Variants in PDS5B observed in about 807,000 individuals in gnomAD.
PDS5B encodes the protein PDS5 cohesin associated factor B.
PDS5B carries 51 observed loss-of-function variants against 184.1 expected under a neutral mutation model. That is an observed-to-expected ratio of 0.28 (90% CI 0.22 to 0.35). PDS5B has a LOEUF of 0.35. PDS5B is among the 10% of genes least tolerant of loss of function. The pLI is 1.00. For synonymous variants in PDS5B, 566 were observed against 569.2 expected (o/e 0.99, Z 0.08); for missense variants, 1,180 against 1,723.3 (o/e 0.68, Z 5.58).
chr13:32,633,855 G>A (rs1234136100), intron 1 of PDS5B, among the ~76,000 whole-genome samples: 1 of 152,116 alleles, frequency 6.6e-6, no homozygotes, highest in Non-Finnish European at 1.5e-5. Flanking sequence ...CATTTGTCCT[G>A]TATACAGTAT....
intron 16 of PDS5B, among the ~76,000 whole-genome samples, chr13:32,700,487 G>A (rs1951834802): frequency 6.6e-6 from 1 of 152,016 alleles, no homozygotes. Context: ...ATTTATATTT[G>A]TTAGTCACTA....
chr13:32,716,177 G>C (rs1167950710), intron 19 of PDS5B, among the ~76,000 whole-genome samples: 4 of 15,710 alleles, frequency 2.5e-4, no homozygotes, highest in East Asian at 1.6e-3. Flanking sequence ...ATAGTGAGGA[G>C]CGTCTCTGCC....
chr13:32,669,044 G>A (rs1371498790), intron 7 of PDS5B, among the ~76,000 whole-genome samples: 1 of 152,132 alleles, frequency 6.6e-6, no homozygotes, highest in African/African-American at 2.4e-5. Context: ...TCCAATACTG[G>A]TTTCTGCAGT....
At chr13:32,698,759 CTT>C (rs879868019) in intron 15 of PDS5B, among the ~76,000 whole-genome samples, 20 of 143,616 alleles carry the variant, frequency 1.4e-4, no homozygotes, top group Admixed American at 2.1e-4. Context: ...AGAGTTCTCT[CTT>C]TTTTTTTTTT....
rs116826012 is a variant in PDS5B at position 32,748,137 on chromosome 13, A to G, written c.2736+2037A>G. ...CTTCTCACAACTTAGAAACATATCA[A>G]ATTACCCTATTTTAAGCAAAGCTTT... is the stretch of plus-strand genomic sequence containing the variant. On this transcript the variant is annotated intron_variant, in intron 24 of 34. Coordinates refer to ENST00000315596, the MANE Select transcript of PDS5B (RefSeq NM_015032.4). Among the ~76,000 whole-genome samples, 1,382 of 152,294 alleles carry G rather than the reference A, an allele frequency of 9.1e-3. 27 individuals are homozygous for G. The highest frequency in any genetic ancestry group is 0.032 in the African/African-American group (1,330 of 41,560).
At chr13:32,741,011 CTAA>C (rs1953523044) in intron 21 of PDS5B, 66 bp from the exon 22 acceptor site, 2 of 875,626 alleles carry the variant, frequency 2.3e-6, no homozygotes, top group Non-Finnish European at 3.7e-6. Context: ...TTTCTAAGTG[CTAA>C]TTGAAAAGAA....
chr13:32,630,613 G>A (rs1009871808), intron 1 of PDS5B, among the ~76,000 whole-genome samples: 4 of 152,136 alleles, frequency 2.6e-5, no homozygotes, highest in African/African-American at 9.7e-5. Flanking sequence ...TTTTTTGATA[G>A]TAGTTGGGTA....
chr13:32,644,931 T>C (rs148903646), intron 1 of PDS5B, among the ~76,000 whole-genome samples: 26 of 152,306 alleles, frequency 1.7e-4, no homozygotes, highest in African/African-American at 5.5e-4. Context: ...CTGCATTTGG[T>C]TTCCTAATAT....
chr13:32,767,999 TG>T (rs1255685649), intron 31 of PDS5B, among the ~76,000 whole-genome samples: 4 of 152,234 alleles, frequency 2.6e-5, no homozygotes, highest in Non-Finnish European at 5.9e-5. Flanking sequence ...TACAAATCAT[TG>T]ATTCTGAAAT....
intron 17 of PDS5B, 143 bp from the exon 18 acceptor site, chr13:32,706,790 AG>A (rs1276194453): frequency 5.8e-5 from 26 of 446,728 alleles, no homozygotes; most frequent in African/African-American, 5.1e-4. Flanking sequence ...GTTGTTTTGC[AG>A]TAGTGTTAAA....
intron 24 of PDS5B, among the ~76,000 whole-genome samples, chr13:32,747,728 T>C (rs1953807166): frequency 6.6e-6 from 1 of 152,204 alleles, no homozygotes; most frequent in African/African-American, 2.4e-5. Context: ...AACCAACATA[T>C]GTAATTATTT....
At chr13:32,643,214 C>T (rs1344013727) in intron 1 of PDS5B, among the ~76,000 whole-genome samples, 1 of 152,060 alleles carries the variant, frequency 6.6e-6, no homozygotes, top group African/African-American at 2.4e-5. Flanking sequence ...TCAATCTTTC[C>T]CTGGAGTGCT....
At chr13:32,674,708 A>G (rs555527485) in intron 8 of PDS5B, among the ~76,000 whole-genome samples, 5 of 152,118 alleles carry the variant, frequency 3.3e-5, no homozygotes, top group South Asian at 2.1e-4. Context: ...ACAGCGTACA[A>G]TTGAAGCAAA....
At chr13:32,681,808 G>GT in intron 10 of PDS5B, among the ~76,000 whole-genome samples, 1 of 151,998 alleles carries the variant, frequency 6.6e-6, no homozygotes, top group East Asian at 1.9e-4. Context: ...AACCTTATCA[G>GT]ACCCAGTACC....
At chr13:32,721,546 TGC>T (rs1205890045) in intron 19 of PDS5B, among the ~76,000 whole-genome samples, 1 of 120,594 alleles carries the variant, frequency 8.3e-6, no homozygotes, top group Non-Finnish European at 1.7e-5. Flanking sequence ...CGGGCAGAGG[TGC>T]TCCTCACCTC....
At chr13:32,676,317 A>T (rs987629790) in intron 9 of PDS5B, among the ~76,000 whole-genome samples, 3 of 152,154 alleles carry the variant, frequency 2.0e-5, no homozygotes, top group African/African-American at 7.2e-5. Context: ...GGAGATATTG[A>T]CAGGATAAGA....
intron 22 of PDS5B, among the ~76,000 whole-genome samples, chr13:32,742,135 G>A (rs141357906): frequency 6.6e-6 from 1 of 152,238 alleles, no homozygotes; most frequent in Non-Finnish European, 1.5e-5. Context: ...GAGGTAATAT[G>A]TACTTCTTCA....
At chr13:32,696,959 A>G in intron 15 of PDS5B, 57 bp downstream of exon 15, 2 of 1,081,006 alleles carry the variant, frequency 1.9e-6, no homozygotes. Context: ...ATTTTTTATA[A>G]TTTTAAGTGT....
chr13:32,727,480 T>G (rs911693830), intron 19 of PDS5B, among the ~76,000 whole-genome samples: 4 of 152,148 alleles, frequency 2.6e-5, no homozygotes, highest in Non-Finnish European at 5.9e-5. Context: ...TTTCTTGATG[T>G]ATAGTTCTCT....
Sources: gnomAD v4.1 joint callset for allele counts (sites outside exome capture counted in the v4.1 genomes callset) on GRCh38, gnomAD v4.1.1 for gene constraint, MANE v1.5 for transcripts, NCBI Gene and HGNC (gene_info 2026-07-23, HGNC 2026-07-21) for gene names.